The following MFHAS1 variants were observed in gnomAD, a reference collection of about 807,000 sequenced individuals.
MFHAS1 encodes the protein malignant fibrous histiocytoma-amplified sequence 1.
A neutral mutation model predicts 70.4 loss-of-function variants in MFHAS1; 50 were observed. That is an observed-to-expected ratio of 0.71 (90% confidence interval 0.57 to 0.90). The LOEUF is 0.90. Among genes scored for constraint, MFHAS1 ranks in the 40% least tolerant of loss-of-function variants. The pLI is 0.00. For missense variants in MFHAS1, 1,795 were observed against 1,347.6 expected, an observed-to-expected ratio of 1.33 and a Z score of -5.20; for synonymous variants, 952 against 620.0, an observed-to-expected ratio of 1.54 and a Z score of -7.96.
chr8:8,832,201 A>G (rs138068417), intron 1 of MFHAS1, among the ~76,000 whole-genome samples: 22 of 152,166 alleles, frequency 1.4e-4, no homozygotes, highest in African/African-American at 5.3e-4. Flanking sequence ...AGAAAAAAAA[A>G]AGTACTAACC....
Position 8,784,836 on chromosome 8 carries a change from G to C in MFHAS1, c.*1186C>G, listed in dbSNP as rs1011690893. ...TTAAAAGTAGAATGGAGAGCAATTT[G>C]TTTGGTTGGCTTTTTAAGTTTTACC... On this transcript the variant is annotated 3_prime_UTR_variant, in exon 3 of 3. Transcript: ENST00000276282. 6.6e-6 allele frequency: 1 copy of C among 152,186 alleles called. No individual in the cohort carries two copies. Among genetic ancestry groups the C allele is most frequent in the African/African-American group, 2.4e-5 (1 of 41,446 alleles). 9.4% of individuals were successfully genotyped at this position (152,186 alleles called of 1,614,324 possible). A position where few individuals can be genotyped will look rare whatever the true frequency, so the allele number is the denominator to read the frequency against.
At chr8:8,870,240 G>A (rs921203664) in intron 1 of MFHAS1, among the ~76,000 whole-genome samples, 1 of 146,838 alleles carries the variant, frequency 6.8e-6, no homozygotes, top group Non-Finnish European at 1.5e-5. Context: ...GATCACTTAA[G>A]CACAGGAGTT....
intron 1 of MFHAS1, among the ~76,000 whole-genome samples, chr8:8,836,744 G>A (rs1290553412): frequency 6.6e-6 from 1 of 152,234 alleles, no homozygotes; most frequent in East Asian, 1.9e-4. Context: ...CTCAAGGTTG[G>A]GGAGAACAAA....
chr8:8,822,010 T>A (rs1806973442), intron 1 of MFHAS1: 2 of 152,318 alleles, frequency 1.3e-5, no homozygotes, highest in Non-Finnish European at 2.9e-5. Context: ...GGTCACCGCA[T>A]GCCTCGTAAG....
At position 8,785,981 on chromosome 8, in the gene MFHAS1, G is replaced by T. The variant is rs750309250; in HGVS notation, c.*41C>A. On this transcript the variant is annotated 3_prime_UTR_variant, in exon 3 of 3. Coordinates refer to ENST00000276282, the MANE Select transcript of MFHAS1 (RefSeq NM_004225.3). ...GTGCAAAAGATGGTCCAGGTGTTCA[G>T]ATGCTCTCTTTTCTCCATGGAAATT... 6.2e-7 allele frequency: 1 copy of T among 1,609,560 alleles called. No individual in the cohort carries two copies. The highest frequency in any genetic ancestry group is 1.7e-5 in the Admixed American group (1 of 59,986).
chr8:8,817,189 C>T (rs945106466), intron 1 of MFHAS1, among the ~76,000 whole-genome samples: 2 of 151,966 alleles, frequency 1.3e-5, no homozygotes, highest in African/African-American at 4.8e-5. Context: ...GATATTACAT[C>T]ACTTCTGATA....
intron 1 of MFHAS1, among the ~76,000 whole-genome samples, chr8:8,847,218 G>A (rs756258176): frequency 3.3e-4 from 50 of 152,096 alleles, no homozygotes; most frequent in Non-Finnish European, 6.3e-4. Flanking sequence ...TTTTGCTCTT[G>A]TCATCCAGGC....
rs765332267 is a variant in MFHAS1 at position 8,892,898 on chromosome 8, G to T, written c.161C>A (p.Pro54His). ...GADALESPASPQLVLPANLGD... is the reference protein window; with the variant it reads ...GADALESPASHQLVLPANLGD... ...GAGGTTGGCCGGCAGCACGAGCTGG[G>T]GGGAGGCGGGGGACTCGAGCGCGTC... The change falls in exon 1 of 3, where the codon CCC becomes CAC. Residue 54 changes from proline to histidine, a missense_variant. Physicochemically the swap from Pro to His is moderately conservative, Grantham distance 77. Transcript: ENST00000276282. This position sits in a 1 kb window ranked among gnomAD's most constrained non-coding sequence, Gnocchi z 4.7. 1 of 1,572,620 alleles carries T rather than the reference G, an allele frequency of 6.4e-7. No homozygotes were observed. Among genetic ancestry groups the T allele is most frequent in the Non-Finnish European group, 8.6e-7 (1 of 1,162,108 alleles).
At position 8,878,264 on chromosome 8, in the gene MFHAS1, C is replaced by T. The variant is rs558377078; in HGVS notation, c.2998+11797G>A. Reference sequence around the variant, plus strand: ...GGCAACCTAACTGAGACCCAAGTGACGGTGGGTCAGAGCAGAGGTTTGGGG... The same window carrying T: ...GGCAACCTAACTGAGACCCAAGTGATGGTGGGTCAGAGCAGAGGTTTGGGG... On this transcript the variant is annotated intron_variant, in intron 1 of 2. Coordinates refer to ENST00000276282, the MANE Select transcript of MFHAS1 (RefSeq NM_004225.3). 8.5e-5 allele frequency among the ~76,000 whole-genome samples: 13 copies of T among 152,264 alleles called. No individual in the cohort carries two copies. The East Asian group carries it at 2.1e-3, about 25-fold the overall frequency.
At chr8:8,834,940 G>T (rs1469193117) in intron 1 of MFHAS1, among the ~76,000 whole-genome samples, 1 of 152,116 alleles carries the variant, frequency 6.6e-6, no homozygotes. Flanking sequence ...TGAGTTCTCT[G>T]GATCTAATGG....
intron 1 of MFHAS1, among the ~76,000 whole-genome samples, chr8:8,841,357 C>G (rs1807816203): frequency 6.6e-6 from 1 of 152,118 alleles, no homozygotes; most frequent in African/African-American, 2.4e-5. Flanking sequence ...CGCCTGTAAT[C>G]CCAGCTACTC....
intron 1 of MFHAS1, among the ~76,000 whole-genome samples, chr8:8,864,916 G>A (rs1285808654): frequency 6.6e-5 from 10 of 152,074 alleles, no homozygotes; most frequent in Non-Finnish European, 1.5e-5. Flanking sequence ...TTGGCTTTAG[G>A]TATGAACCAC....
intron 1 of MFHAS1, among the ~76,000 whole-genome samples, chr8:8,824,702 T>C (rs142841989): frequency 7.2e-5 from 11 of 152,206 alleles, no homozygotes; most frequent in South Asian, 6.2e-4. Flanking sequence ...GATAAACCAT[T>C]TGTAGTCCAG....
chr8:8,866,180 G>A (rs1241782340), intron 1 of MFHAS1, among the ~76,000 whole-genome samples: 1 of 152,076 alleles, frequency 6.6e-6, no homozygotes, highest in East Asian at 1.9e-4. Context: ...TTTACCATTG[G>A]TTCAGTAAAA....
At chr8:8,789,564 A>G (rs574852725) in intron 2 of MFHAS1, among the ~76,000 whole-genome samples, 1 of 152,260 alleles carries the variant, frequency 6.6e-6, no homozygotes, top group Admixed American at 6.5e-5. Flanking sequence ...GACGCAAGGT[A>G]CCGAGACACT....
In MFHAS1 at chr8:8,890,900, G is replaced by T. The variant is rs754847281; in HGVS notation, c.2159C>A (p.Pro720Gln). 16 of 1,614,072 alleles carry T rather than the reference G, an allele frequency of 9.9e-6. No homozygotes were observed. Among genetic ancestry groups the T allele is most frequent in the Non-Finnish European group, 1.3e-5 (15 of 1,180,018 alleles). ...SGKLLYFEDS[P>Q]ALKEHVFHNL... is the part of the protein sequence containing the mutation. ...GTGGAAGACGTGCTCCTTGAGAGCC[G>T]GACTGTCCTCAAAGTAGAGTAGCTT... The change falls in exon 1 of 3, where the codon CCG becomes CAG. Residue 720 changes from proline to glutamine, a missense_variant. Transcript: ENST00000276282.
At chr8:8,795,119 C>A (rs1019698013) in intron 2 of MFHAS1, among the ~76,000 whole-genome samples, 4 of 152,210 alleles carry the variant, frequency 2.6e-5, no homozygotes, top group Non-Finnish European at 5.9e-5. Context: ...TACGCCAATG[C>A]AAAGTATATT....
chr8:8,883,061 G>C (rs1410794889), intron 1 of MFHAS1, among the ~76,000 whole-genome samples: 1 of 152,154 alleles, frequency 6.6e-6, no homozygotes, highest in Non-Finnish European at 1.5e-5. Context: ...GCTGGAGCAG[G>C]AGGATCACTT....
At chr8:8,878,510 T>C (rs545438642) in intron 1 of MFHAS1, among the ~76,000 whole-genome samples, 2 of 152,258 alleles carry the variant, frequency 1.3e-5, no homozygotes, top group South Asian at 2.1e-4. Flanking sequence ...GAGACTGATG[T>C]GATGATTAAC....
Sources: gnomAD v4.1 joint callset for allele counts (sites outside exome capture counted in the v4.1 genomes callset) on GRCh38, gnomAD v4.1.1 for gene constraint, Gnocchi (gnomAD v3.1) non-coding constraint, MANE v1.5 for transcripts, NCBI Gene and HGNC (gene_info 2026-07-23, HGNC 2026-07-21) for gene names.